TAFA1: variants seen among roughly 807,000 people sequenced by gnomAD.
TAFA1 encodes chemokine-like protein TAFA-1.
Under a neutral mutation model 18.5 loss-of-function variants are expected in TAFA1, and 4 were observed. That is an observed-to-expected ratio of 0.22 (90% CI 0.11 to 0.49). TAFA1 has a LOEUF of 0.49. Among genes scored for constraint, TAFA1 ranks in the 20% least tolerant of loss-of-function variants. The pLI, the probability that TAFA1 is intolerant of heterozygous loss-of-function variation, is 0.98. For synonymous variants in TAFA1, 56 were observed against 55.2 expected, an observed-to-expected ratio of 1.01 and a Z score of -0.06; for missense variants, 147 against 169.0, an observed-to-expected ratio of 0.87 and a Z score of 0.72.
chr3:68,265,507 G>A (rs2067524627), intron 2 of TAFA1, among the ~76,000 whole-genome samples: 1 of 152,132 alleles, frequency 6.6e-6, no homozygotes, highest in Non-Finnish European at 1.5e-5. Flanking sequence ...GACATTCCTG[G>A]TGGGAATTTC....
At chr3:68,468,066 TC>T (rs1211829577) in intron 3 of TAFA1, among the ~76,000 whole-genome samples, 2 of 152,222 alleles carry the variant, frequency 1.3e-5, no homozygotes, top group Non-Finnish European at 2.9e-5. Context: ...TCTTAAATTT[TC>T]TTCCAGGGCA....
At chr3:68,490,214 T>C (rs2072425972) in intron 3 of TAFA1, among the ~76,000 whole-genome samples, 1 of 152,178 alleles carries the variant, frequency 6.6e-6, no homozygotes, top group Non-Finnish European at 1.5e-5. Flanking sequence ...ATTTCAAAAG[T>C]CTGCTTAATT....
intron 3 of TAFA1, among the ~76,000 whole-genome samples, chr3:68,432,274 C>A (rs1019904839): frequency 6.6e-6 from 1 of 151,834 alleles, no homozygotes; most frequent in African/African-American, 2.4e-5. Context: ...CTTGGAACCA[C>A]AGTCTCTTTT....
intron 2 of TAFA1, among the ~76,000 whole-genome samples, chr3:68,303,953 A>T (rs1193601925): frequency 6.6e-6 from 1 of 152,236 alleles, no homozygotes; most frequent in African/African-American, 2.4e-5. Context: ...AAATATTAGT[A>T]CTGCACCCAC....
At position 68,248,955 on chromosome 3, in the gene TAFA1, C is replaced by G. The variant is rs924105277; in HGVS notation, c.119-168325C>G. On this transcript the variant is annotated intron_variant, in intron 2 of 4. Coordinates refer to ENST00000478136, the MANE Select transcript of TAFA1 (RefSeq NM_213609.4). ...CATTTCTGTAATTAAGGGTGTTCTC[C>G]TGTCCAGCCCTCTGCCACAGAACTC... Among the ~76,000 whole-genome samples, 4 of 152,066 alleles carry G rather than the reference C, an allele frequency of 2.6e-5. No individual in the cohort carries two copies. In the South Asian group the frequency reaches 8.3e-4, roughly 32 times the overall value.
chr3:68,404,558 G>T (rs1194365359), intron 2 of TAFA1, among the ~76,000 whole-genome samples: 1 of 152,124 alleles, frequency 6.6e-6, no homozygotes, highest in Non-Finnish European at 1.5e-5. Flanking sequence ...TCAGCACTTT[G>T]GGAGGCCGAA....
upstream of TAFA1, among the ~76,000 whole-genome samples, chr3:68,002,483 T>C (rs1241573757): frequency 1.3e-5 from 2 of 152,090 alleles, no homozygotes; most frequent in Non-Finnish European, 2.9e-5. Context: ...TTAGCAAAGG[T>C]GAACTTCCTT....
chr3:68,232,290 C>A (rs983397794), intron 2 of TAFA1, among the ~76,000 whole-genome samples: 1 of 152,130 alleles, frequency 6.6e-6, no homozygotes, highest in Non-Finnish European at 1.5e-5. Flanking sequence ...TTTTTTAGCT[C>A]CCCCATATGA....
At chr3:68,376,467 T>C (rs1488448745) in intron 2 of TAFA1, among the ~76,000 whole-genome samples, 3 of 152,138 alleles carry the variant, frequency 2.0e-5, no homozygotes, top group Non-Finnish European at 4.4e-5. Context: ...CCATGTGTTC[T>C]CATCATTTAG....
At chr3:68,194,929 A>T (rs969275192) in intron 2 of TAFA1, among the ~76,000 whole-genome samples, 20 of 151,636 alleles carry the variant, frequency 1.3e-4, no homozygotes, top group Admixed American at 3.9e-4. Flanking sequence ...CTAACTAGTA[A>T]TAGTTGTCTT....
intron 2 of TAFA1, among the ~76,000 whole-genome samples, chr3:68,192,207 G>T (rs1021140907): frequency 8.6e-5 from 13 of 151,770 alleles, no homozygotes; most frequent in African/African-American, 3.1e-4. Flanking sequence ...CTCTCATGGA[G>T]ATTATGACAA....
chr3:68,012,996 A>G (rs145362324), intron 2 of TAFA1, among the ~76,000 whole-genome samples: 2 of 152,258 alleles, frequency 1.3e-5, no homozygotes, highest in African/African-American at 4.8e-5. Context: ...AAGAAATCTG[A>G]TTTTGTTTAA....
At chr3:68,040,248 A>G (rs770070363) in intron 2 of TAFA1, among the ~76,000 whole-genome samples, 1 of 152,026 alleles carries the variant, frequency 6.6e-6, no homozygotes, top group African/African-American at 2.4e-5. Flanking sequence ...AGGCAATTTT[A>G]CTCACCTGCT....
chr3:68,189,037 G>A (rs2066306624), intron 2 of TAFA1, among the ~76,000 whole-genome samples: 1 of 151,750 alleles, frequency 6.6e-6, no homozygotes, highest in Admixed American at 6.6e-5. Context: ...ATGTTCTCAG[G>A]GACTGATTTG....
intron 2 of TAFA1, among the ~76,000 whole-genome samples, chr3:68,223,510 A>G (rs764622577): frequency 2.7e-5 from 4 of 149,416 alleles, no homozygotes; most frequent in Non-Finnish European, 5.9e-5. Context: ...CTACGCCTGT[A>G]TGTACATAAG....
chr3:68,472,484 A>G (rs2072016251), intron 3 of TAFA1, among the ~76,000 whole-genome samples: 1 of 151,034 alleles, frequency 6.6e-6, no homozygotes. Flanking sequence ...TACATGTGAC[A>G]AAGTTGTTTA....
intron 3 of TAFA1, among the ~76,000 whole-genome samples, chr3:68,444,873 A>G (rs1180844865): frequency 1.3e-5 from 2 of 150,126 alleles, no homozygotes; most frequent in African/African-American, 4.9e-5. Flanking sequence ...TCCGTTTATA[A>G]CTTCTATGAT....
At chr3:68,497,304 T>A (rs1225176155) in intron 3 of TAFA1, among the ~76,000 whole-genome samples, 1 of 152,186 alleles carries the variant, frequency 6.6e-6, no homozygotes, top group Non-Finnish European at 1.5e-5. Context: ...GCCACTGGAA[T>A]GTCAGCAACA....
intron 3 of TAFA1, among the ~76,000 whole-genome samples, chr3:68,526,111 T>G (rs983695123): frequency 6.6e-6 from 1 of 152,198 alleles, no homozygotes; most frequent in Non-Finnish European, 1.5e-5. Flanking sequence ...TGGTATCAAT[T>G]TGTATAGATC....
Sources: allele counts gnomAD v4.1 joint callset (sites outside exome capture counted in the v4.1 genomes callset), GRCh38; gene constraint gnomAD v4.1.1; transcripts MANE v1.5; gene names NCBI Gene and HGNC (gene_info 2026-07-23, HGNC 2026-07-21).